Variants in CCDC18 observed in about 807,000 individuals in gnomAD.
The protein encoded by CCDC18 is coiled-coil domain containing 18.
In CCDC18, 157 loss-of-function variants were observed where a neutral mutation model predicts 196.0. The ratio of observed to expected loss-of-function variants is 0.80; its 90% CI spans 0.70 to 0.91. The LOEUF (loss-of-function observed/expected upper bound fraction) is 0.91. CCDC18 is among the 40% of genes least tolerant of loss of function. The pLI is 0.00. For synonymous variants in CCDC18, 482 were observed against 529.2 expected (o/e 0.91, Z 1.22); for missense variants, 1,465 against 1,611.6 (o/e 0.91, Z 1.56).
intron 6 of CCDC18, among the ~76,000 whole-genome samples, chr1:93,198,554 CTT>C (rs1653192052): frequency 1.3e-5 from 2 of 152,150 alleles, no homozygotes; most frequent in African/African-American, 4.8e-5. Context: ...TTATTATAAA[CTT>C]CTCTCATTTA....
At position 93,278,443 on chromosome 1, in the gene CCDC18, A is replaced by G; in HGVS notation, c.4354-20A>G. 1 of 1,021,078 alleles carries G rather than the reference A, an allele frequency of 9.8e-7. No individual in the cohort carries two copies. Among genetic ancestry groups the G allele is most frequent in the East Asian group, 2.8e-5 (1 of 35,708 alleles). The allele number at this position is 1,021,078 out of a possible 1,614,324, so 63.3% of individuals were successfully genotyped here. A position where few individuals can be genotyped will look rare whatever the true frequency, so the allele number is the denominator to read the frequency against. ...TTAGGAATATTTCAAATATTAATCT[A>G]TTATTTTGCATTATTCTAGGGAGAA... On this transcript the variant is annotated intron_variant, in intron 28 of 28. Coordinates refer to ENST00000690025, the MANE Select transcript of CCDC18 (RefSeq NM_001378204.1).
chr1:93,242,525 G>A (rs551521703), intron 21 of CCDC18, among the ~76,000 whole-genome samples: 35 of 152,144 alleles, frequency 2.3e-4, no homozygotes, highest in African/African-American at 7.2e-4. Context: ...ATTCTGCCCC[G>A]GCCCCTCCCA....
chr1:93,241,564 A>G (rs562078854), intron 21 of CCDC18, among the ~76,000 whole-genome samples: 2 of 151,984 alleles, frequency 1.3e-5, no homozygotes, highest in African/African-American at 4.8e-5. Context: ...TCTACTAAAA[A>G]TGCAAAAATC....
intron 6 of CCDC18, among the ~76,000 whole-genome samples, chr1:93,194,867 TTTGTTG>T (rs955537306): frequency 6.6e-6 from 1 of 151,968 alleles, no homozygotes; most frequent in Non-Finnish European, 1.5e-5. Flanking sequence ...GAGTATTGAC[TTTGTTG>T]TTGTTGTTGT....
intron 6 of CCDC18, 68 bp downstream of exon 6, chr1:93,193,812 T>G: frequency 2.4e-6 from 3 of 1,247,818 alleles, no homozygotes; most frequent in South Asian, 1.7e-5. Flanking sequence ...TATTTAAAAT[T>G]CTAGTTAATT....
In CCDC18 at chr1:93,270,422, C is replaced by T; in HGVS notation, c.3961C>T (p.Pro1321Ser). 6 of 1,550,358 alleles carry T rather than the reference C, an allele frequency of 3.9e-6. No homozygotes were observed. The highest frequency in any genetic ancestry group is 5.2e-6 in the Non-Finnish European group (6 of 1,146,862). The change falls in exon 28 of 29, where the codon CCA becomes TCA. Residue 1321 changes from proline to serine, a missense_variant. Coordinates refer to ENST00000690025, the MANE Select transcript of CCDC18 (RefSeq NM_001378204.1). ...KAEDIKFLPA[P>S]FTSPTEIMPD... ...AGAAGACATCAAGTTTCTGCCAGCC[C>T]CATTTACATCTCCAACAGAAATTAT... is the stretch of plus-strand genomic sequence containing the variant.
intron 21 of CCDC18, among the ~76,000 whole-genome samples, chr1:93,244,774 G>A (rs947484487): frequency 6.6e-6 from 1 of 152,070 alleles, no homozygotes; most frequent in South Asian, 2.1e-4. Flanking sequence ...TGAATACAAA[G>A]CCTTATGTGG....
chr1:93,198,548 T>C (rs1444662445), intron 6 of CCDC18, among the ~76,000 whole-genome samples: 1 of 152,192 alleles, frequency 6.6e-6, no homozygotes, highest in Non-Finnish European at 1.5e-5. Context: ...TACACATTAT[T>C]ATAAACTTCT....
intron 28 of CCDC18, among the ~76,000 whole-genome samples, chr1:93,276,435 G>A (rs1489059887): frequency 1.3e-5 from 2 of 152,112 alleles, no homozygotes; most frequent in Admixed American, 1.3e-4. Context: ...GAAGTGTTGT[G>A]AATACTGATT....
chr1:93,198,126 G>C (rs1407451611), intron 6 of CCDC18, among the ~76,000 whole-genome samples: 1 of 152,046 alleles, frequency 6.6e-6, no homozygotes, highest in Non-Finnish European at 1.5e-5. Flanking sequence ...AGCTGCTAAA[G>C]GTAAACATAA....
rs1438423908 is a variant in CCDC18 at position 93,258,872 on chromosome 1, C to T, written c.3671C>T (p.Ala1224Val). ...LSAEVESLKEAYHMEMISHQE... is the reference protein window; with the variant it reads ...LSAEVESLKEVYHMEMISHQE... ...GCAGAAGTAGAATCTCTCAAAGAAG[C>T]TTATCATATGGAGGTAAAGAAAAAT... is the stretch of plus-strand genomic sequence containing the variant. The change falls in exon 26 of 29, where the codon GCT (alanine) becomes GTT (valine). Residue 1224 changes from alanine to valine, a missense_variant. Physicochemically the swap from Ala to Val is moderately conservative, Grantham distance 64. Transcript: ENST00000690025. 6.3e-7 allele frequency: 1 copy of T among 1,592,256 alleles called. No homozygotes were observed. Among genetic ancestry groups the T allele is most frequent in the South Asian group, 1.2e-5 (1 of 86,534 alleles).
At chr1:93,217,223 C>T (rs1021874854) in intron 13 of CCDC18, among the ~76,000 whole-genome samples, 3 of 152,078 alleles carry the variant, frequency 2.0e-5, no homozygotes, top group African/African-American at 7.2e-5. Flanking sequence ...CGTGAGCCAC[C>T]GCACCCGGCC....
In CCDC18 at chr1:93,240,851, T is replaced by G. The variant is rs542004436; in HGVS notation, c.2981+955T>G. 7.2e-5 allele frequency among the ~76,000 whole-genome samples: 11 copies of G among 152,340 alleles called. No homozygotes were observed. The South Asian group carries it at 1.0e-3, about 14-fold the overall frequency. ...CTCATAACCCTACCCTTCTCCTAAC[T>G]CAGTATCATGCAGTTGCTCAAACCA... On this transcript the variant is annotated intron_variant, in intron 21 of 28. Transcript: ENST00000690025.
At chr1:93,273,892 A>G (rs1330087212) in intron 28 of CCDC18, among the ~76,000 whole-genome samples, 2 of 152,178 alleles carry the variant, frequency 1.3e-5, no homozygotes, top group African/African-American at 4.8e-5. Flanking sequence ...TTTAATCCTT[A>G]TAACAACCCC....
At chr1:93,189,116 A>AC (rs1185978877) in intron 4 of CCDC18, among the ~76,000 whole-genome samples, 1 of 151,300 alleles carries the variant, frequency 6.6e-6, no homozygotes, top group East Asian at 1.9e-4. Context: ...ACCTCTCCCC[A>AC]CCCCAACAAC....
chr1:93,186,400 TA>T lies in CCDC18; in HGVS notation c.362del (p.Asn121IlefsTer17), dbSNP rs776390626. The T allele has an allele frequency of 2.5e-6, 4 of 1,612,262 alleles. No homozygotes were observed. The Admixed American group carries it at 6.7e-5, about 27-fold the overall frequency. On this transcript the variant is annotated frameshift_variant, in exon 4 of 29. Transcript: ENST00000690025. LOFTEE classifies it high-confidence loss of function. ...DQEIKSLREK[L>X]NKLRQQNACL... ...GAGATTAAAAGCCTTCGAGAGAAAC[TA>T]AATAAACTTAGGCAACAGAATGCTT...
chr1:93,270,878 G>A (rs1043921415), intron 28 of CCDC18, 64 bp downstream of exon 28: 6 of 1,366,828 alleles, frequency 4.4e-6, no homozygotes, highest in South Asian at 3.9e-5. Context: ...TTTATTACTT[G>A]GAAGAAAATT....
At position 93,240,447 on chromosome 1, in the gene CCDC18, C is replaced by A. The variant is rs529761931; in HGVS notation, c.2981+551C>A. On this transcript the variant is annotated intron_variant, in intron 21 of 28. Transcript: ENST00000690025. ...TATAACATAAACTGTTATGCTGACA[C>A]ACATGTATAGTGAGTGGAGGTGTAC... Among the ~76,000 whole-genome samples the A allele has an allele frequency of 9.9e-5, 15 of 152,184 alleles. No individual in the cohort carries two copies. The South Asian group carries it at 3.1e-3, about 32-fold the overall frequency.
chr1:93,275,728 T>C (rs986717850), intron 28 of CCDC18, among the ~76,000 whole-genome samples: 1 of 152,142 alleles, frequency 6.6e-6, no homozygotes, highest in Non-Finnish European at 1.5e-5. Flanking sequence ...AGCAGGAGCA[T>C]AGGGGACTAA....
Sources: gnomAD v4.1 joint callset for allele counts (sites outside exome capture counted in the v4.1 genomes callset) on GRCh38, gnomAD v4.1.1 for gene constraint, MANE v1.5 for transcripts, NCBI Gene and HGNC (gene_info 2026-07-23, HGNC 2026-07-21) for gene names.